GLI3: variants seen among roughly 807,000 people sequenced by gnomAD.
The protein encoded by GLI3 is GLI family zinc finger 3.
A neutral mutation model predicts 100.8 loss-of-function variants in GLI3; 20 were observed. The ratio of observed to expected loss-of-function variants is 0.20; its 90% CI spans 0.14 to 0.29. GLI3 has a LOEUF of 0.29. Ranked by LOEUF, GLI3 falls within the 10% of genes least tolerant of loss-of-function variation. The pLI is 1.00. For synonymous variants in GLI3, 938 were observed against 860.5 expected, an observed-to-expected ratio of 1.09 and a Z score of -1.58; for missense variants, 2,040 against 2,128.5, an observed-to-expected ratio of 0.96 and a Z score of 0.82.
chr7:42,195,194 T>C (rs1787906326), intron 2 of GLI3, among the ~76,000 whole-genome samples: 2 of 152,170 alleles, frequency 1.3e-5, no homozygotes, highest in African/African-American at 4.8e-5. Flanking sequence ...ACTAACCTAT[T>C]ACATACACTG....
In GLI3 at chr7:41,967,868, A is replaced by C. The variant is rs1329906068; in HGVS notation, c.2159T>G (p.Ile720Ser). 2 of 1,613,994 alleles carry C rather than the reference A, an allele frequency of 1.2e-6. No individual in the cohort carries two copies. The highest frequency in any genetic ancestry group is 1.7e-6 in the Non-Finnish European group (2 of 1,180,022). The change falls in exon 14 of 15, where the codon ATC becomes AGC. Residue 720 changes from isoleucine to serine, a missense_variant. Around this residue, in one of 5 missense-constraint regions of GLI3, gnomAD observed 327 missense variants for 338.7 expected, o/e 0.97. Coordinates refer to ENST00000395925, the MANE Select transcript of GLI3 (RefSeq NM_000168.6). ...QSSCSSQQSP[I>S]SNYSNSGLEL... The stretch of plus-strand genomic sequence containing the variant: ...GAGCCCACTGTTGGAATAGTTGCTG[A>C]TGGGGGACTGTTGGCTGCTGCATGA...
In GLI3 at chr7:42,223,266, T is replaced by C. The variant is rs762559601; in HGVS notation, c.-13A>G. The C allele has an allele frequency of 6.2e-7, 1 of 1,612,512 alleles. No individual in the cohort carries two copies. The highest frequency in any genetic ancestry group is 8.5e-7 in the Non-Finnish European group (1 of 1,179,050). Reference sequence around the variant, plus strand: ...ACTGGGCCTCCATGATGTCTTCTCATTACTTCAGCTCTCTTCGACCAAAAA... The same window carrying C: ...ACTGGGCCTCCATGATGTCTTCTCACTACTTCAGCTCTCTTCGACCAAAAA... On this transcript the variant is annotated 5_prime_UTR_variant, in exon 2 of 15. An upstream start codon of the reference 5' UTR is lost. Transcript: ENST00000395925.
At chr7:42,197,514 G>A (rs1787950958) in intron 2 of GLI3, among the ~76,000 whole-genome samples, 1 of 152,202 alleles carries the variant, frequency 6.6e-6, no homozygotes, top group Admixed American at 6.5e-5. Context: ...ACCACTGGAT[G>A]GCCTTGGGGC....
chr7:42,241,541 TC>T (rs1184659240), upstream of GLI3, among the ~76,000 whole-genome samples: 1 of 152,174 alleles, frequency 6.6e-6, no homozygotes, highest in Admixed American at 6.5e-5. Flanking sequence ...GGCCTGAGCC[TC>T]CCCACGCTGA....
intron 10 of GLI3, among the ~76,000 whole-genome samples, chr7:42,004,580 G>A (rs906444812): frequency 6.6e-6 from 1 of 151,724 alleles, no homozygotes; most frequent in East Asian, 1.9e-4. Context: ...GTAAATCAAG[G>A]TAGAAAGCTC....
intron 3 of GLI3, among the ~76,000 whole-genome samples, chr7:42,106,173 G>T (rs563618362): frequency 6.6e-6 from 1 of 152,168 alleles, no homozygotes; most frequent in East Asian, 1.9e-4. Flanking sequence ...TGGCCTCACC[G>T]TCCAACAGGC....
chr7:42,073,014 G>A (rs1006900838), intron 4 of GLI3, among the ~76,000 whole-genome samples: 12 of 152,106 alleles, frequency 7.9e-5, no homozygotes, highest in Admixed American at 1.3e-4. Context: ...CATATCCAGT[G>A]TTTCTTAATT....
In GLI3 at chr7:41,963,694, T is replaced by C. The variant is rs1352395294; in HGVS notation, c.*636A>G. The C allele has an allele frequency of 1.3e-5, 2 of 152,476 alleles. No homozygotes were observed. The highest frequency in any genetic ancestry group is 1.3e-4 in the Admixed American group (2 of 15,308). 9.4% of individuals were successfully genotyped at this position (152,476 alleles called of 1,614,324 possible). On this transcript the variant is annotated 3_prime_UTR_variant, in exon 15 of 15. Transcript: ENST00000395925. The stretch of plus-strand genomic sequence containing the variant: ...CATTTATAAGAGCCCCACGTTCCCA[T>C]TTCTGTTTAACTGTGGAATGCCCTG...
At chr7:42,217,672 T>A (rs1011629384) in intron 2 of GLI3, among the ~76,000 whole-genome samples, 1 of 152,226 alleles carries the variant, frequency 6.6e-6, no homozygotes, top group Non-Finnish European at 1.5e-5. Flanking sequence ...TTGTTTTTTT[T>A]AATCCATCCC....
chr7:42,149,348 T>A (rs1441168273), intron 2 of GLI3, among the ~76,000 whole-genome samples: 1 of 152,252 alleles, frequency 6.6e-6, no homozygotes, highest in Non-Finnish European at 1.5e-5. Context: ...AGTTTCCTAA[T>A]ACTTCAGTTC....
chr7:42,073,448 T>A (rs1156433816), intron 4 of GLI3, among the ~76,000 whole-genome samples: 1 of 152,262 alleles, frequency 6.6e-6, no homozygotes, highest in Admixed American at 6.5e-5. Context: ...CAGGTTAATT[T>A]GTGATTTCCT....
At chr7:42,077,117 G>C (rs2128751879) in intron 3 of GLI3, among the ~76,000 whole-genome samples, 1 of 152,324 alleles carries the variant, frequency 6.6e-6, no homozygotes, top group South Asian at 2.1e-4. Flanking sequence ...AAGCAAGAAA[G>C]AGAGGAGCAA....
chr7:42,219,910 G>C (rs1376703440), intron 2 of GLI3, among the ~76,000 whole-genome samples: 2 of 149,116 alleles, frequency 1.3e-5, no homozygotes, highest in South Asian at 4.2e-4. Flanking sequence ...CTGGAGTGCA[G>C]TGGCACGATC....
intron 2 of GLI3, among the ~76,000 whole-genome samples, chr7:42,206,211 T>G (rs982610501): frequency 6.6e-6 from 1 of 151,974 alleles, no homozygotes; most frequent in Non-Finnish European, 1.5e-5. Flanking sequence ...GAGGTTGCAG[T>G]GAGCCAAGAT....
intron 2 of GLI3, chr7:42,172,531 T>C (rs770053715): frequency 2.8e-6 from 2 of 702,806 alleles, no homozygotes; most frequent in Non-Finnish European, 5.2e-6. Context: ...TAGGTAAATG[T>C]ATGGGTTTGT....
chr7:42,102,896 CA>C (rs1785497852), intron 3 of GLI3, among the ~76,000 whole-genome samples: 1 of 152,168 alleles, frequency 6.6e-6, no homozygotes, highest in Non-Finnish European at 1.5e-5. Context: ...CTAATTGTGG[CA>C]TATTATAACA....
chr7:42,064,664 A>G (rs56905907), intron 4 of GLI3, among the ~76,000 whole-genome samples: 21,226 of 152,156 alleles, frequency 0.14, 1,953 homozygotes, highest in African/African-American at 0.27. Flanking sequence ...GCCATAATCC[A>G]GTCACACTCA....
At chr7:42,226,183 CAGTTTTATTGGCTGTATTTG>C (rs1169695513) in intron 1 of GLI3, among the ~76,000 whole-genome samples, 12 of 152,204 alleles carry the variant, frequency 7.9e-5, no homozygotes, top group African/African-American at 2.9e-4. Flanking sequence ...ACACACATAA[CAGTTTTATTGGCTGTATTTG>C]AGTAGAGTCT....
Position 42,204,356 on chromosome 7 carries a change from C to T in GLI3, c.124+18774G>A, listed in dbSNP as rs771072588. Among the ~76,000 whole-genome samples, 10 of 152,066 alleles carry T rather than the reference C, an allele frequency of 6.6e-5. No homozygotes were observed. The South Asian group carries it at 1.7e-3, about 25-fold the overall frequency. On this transcript the variant is annotated intron_variant, in intron 2 of 14. Coordinates refer to ENST00000395925, the MANE Select transcript of GLI3 (RefSeq NM_000168.6). ...CTCAACTTACAATGCCTTTCTCCAG[C>T]CCCCAGTTCCCACTCCTGTCTTCCC...
Sources: allele counts gnomAD v4.1 joint callset (sites outside exome capture counted in the v4.1 genomes callset), GRCh38; gene constraint gnomAD v4.1.1; regional missense constraint gnomAD v4.1.1; transcripts MANE v1.5; gene names NCBI Gene and HGNC (gene_info 2026-07-23, HGNC 2026-07-21).